TSPAN32: variants seen among roughly 807,000 people sequenced by gnomAD.
The protein encoded by TSPAN32 is tetraspanin-32.
Under a neutral mutation model 42.7 loss-of-function variants are expected in TSPAN32, and 47 were observed. The ratio of observed to expected loss-of-function variants is 1.10; its 90% CI spans 0.87 to 1.40. TSPAN32 has a LOEUF of 1.40. Ranked by LOEUF, TSPAN32 falls within the 40% of genes most tolerant of loss-of-function variation. TSPAN32 has a pLI of 0.00. For missense variants in TSPAN32, 469 were observed against 424.1 expected, an observed-to-expected ratio of 1.11 and a Z score of -0.93; for synonymous variants, 175 against 175.9, an observed-to-expected ratio of 0.99 and a Z score of 0.04.
intron 3 of TSPAN32, among the ~76,000 whole-genome samples, chr11:2,306,149 T>C (rs1190651981): frequency 2.0e-5 from 3 of 152,016 alleles, no homozygotes; most frequent in Admixed American, 6.5e-5. Flanking sequence ...GGCACATCTG[T>C]ATGTGTGTCT....
At chr11:2,314,433 C>A in intron 5 of TSPAN32, 52 bp from the exon 6 acceptor site, 3 of 1,464,622 alleles carry the variant, frequency 2.0e-6, no homozygotes, top group South Asian at 1.2e-5. Flanking sequence ...GTGCTGCCCG[C>A]CTCCTGGGGT....
intron 6 of TSPAN32, chr11:2,315,160 T>TACCCC: frequency 3.1e-6 from 2 of 646,458 alleles, no homozygotes; most frequent in African/African-American, 2.0e-5. Flanking sequence ...CCGGCAGCCC[T>TACCCC]CCCCCAGCCC....
chr11:2,314,517 C>T lies in TSPAN32; in HGVS notation c.489C>T (p.Ser163=). ...GCTGTGGGAAGAAGTCTCCTTTCAGCCGTCTGGGGAGCACAGAGGCTGACC... is the reference window on the plus strand; with the variant it reads ...GCTGTGGGAAGAAGTCTCCTTTCAGTCGTCTGGGGAGCACAGAGGCTGACC... ...FLCCGKKSPF[S]RLGSTEADLC... is the part of the protein sequence containing the mutation. Residue 163 remains serine (S), a synonymous_variant, in exon 6 of 10, where the codon AGC becomes AGT. Coordinates refer to ENST00000182290, the MANE Select transcript of TSPAN32 (RefSeq NM_139022.3). 6.2e-7 allele frequency: 1 copy of T among 1,612,528 alleles called. No homozygotes were observed.
In TSPAN32 at chr11:2,304,286, C is replaced by A. The variant is rs1847940054; in HGVS notation, c.279+82C>A. On this transcript the variant is annotated intron_variant, in intron 3 of 9. Transcript: ENST00000182290. This position sits in a 1 kb window ranked among gnomAD's most constrained non-coding sequence, Gnocchi z 4.8. ...GAAGAGCTGGCAGGGCTGTGTGCCACCCCCACACCTGAGTGACCAGGCAGA... is the reference window on the plus strand; with the variant it reads ...GAAGAGCTGGCAGGGCTGTGTGCCAACCCCACACCTGAGTGACCAGGCAGA... 9.8e-7 allele frequency: 1 copy of A among 1,025,590 alleles called. No individual in the cohort carries two copies. The highest frequency in any genetic ancestry group is 2.8e-5 in the Admixed American group (1 of 35,710). The allele number at this position is 1,025,590 out of a possible 1,614,324, so 63.5% of individuals were successfully genotyped here.
chr11:2,302,252 G>A, intron 1 of TSPAN32, 37 bp downstream of exon 1: 1 of 1,371,258 alleles, frequency 7.3e-7, no homozygotes, highest in African/African-American at 1.5e-5. Flanking sequence ...GTGGTGGGTG[G>A]GGGTGAGCAG....
intron 3 of TSPAN32, among the ~76,000 whole-genome samples, chr11:2,306,081 TCACCG>T (rs1848070132): frequency 6.6e-6 from 1 of 150,840 alleles, no homozygotes. Context: ...TAAGTATCTG[TCACCG>T]GTCTTCACCT....
Position 2,315,449 on chromosome 11 carries a change from C to T in TSPAN32, c.544-780C>T, listed in dbSNP as rs373534680. On this transcript the variant is annotated intron_variant, in intron 6 of 9. Transcript: ENST00000182290. ...CCCAAGGAGAGACTGAAAAGGCCCC[C>T]GACTGAAAAGCAGGAGCGAGGGCCT... 29 of 1,131,738 alleles carry T rather than the reference C, an allele frequency of 2.6e-5. 1 individual carries two copies. In the East Asian group the frequency reaches 4.2e-4, roughly 16 times the overall value. 70.1% of individuals were successfully genotyped at this position (1,131,738 alleles called of 1,614,324 possible).
At chr11:2,309,519 C>T (rs1156675249) in intron 4 of TSPAN32, 2 of 371,044 alleles carry the variant, frequency 5.4e-6, no homozygotes, top group South Asian at 1.9e-5. Context: ...TGGTGAGAGC[C>T]CCCAGGGCAG....
chr11:2,308,933 G>T (rs1480342255), intron 4 of TSPAN32, 123 bp downstream of exon 4: 1 of 693,658 alleles, frequency 1.4e-6, no homozygotes, highest in Non-Finnish European at 2.4e-6. Flanking sequence ...TGACCGGGTG[G>T]GGTGGGGGAG....
At chr11:2,315,525 C>T (rs1848734278) in intron 6 of TSPAN32, 10 of 1,163,968 alleles carry the variant, frequency 8.6e-6, no homozygotes, top group Non-Finnish European at 1.1e-5. Flanking sequence ...TGCAAAGCCT[C>T]CTGGGGAGCC....
In TSPAN32 at chr11:2,310,599, G is replaced by A. The variant is rs572057799; in HGVS notation, c.354+1789G>A. ...TGGTGGCCATGGAGGTGGCCTGGGT[G>A]AAGGAGCTCTGAATATGAAGTCAGT... On this transcript the variant is annotated intron_variant, in intron 4 of 9. Transcript: ENST00000182290. 2.6e-5 allele frequency among the ~76,000 whole-genome samples: 4 copies of A among 152,370 alleles called. No individual in the cohort carries two copies. The South Asian group carries it at 6.2e-4, about 24-fold the overall frequency.
At chr11:2,315,406 G>A (rs1037619617) in intron 6 of TSPAN32, 1 of 1,141,590 alleles carries the variant, frequency 8.8e-7, no homozygotes, top group Admixed American at 4.6e-5. Flanking sequence ...AGGGCTAACA[G>A]TCAGGACCCC....
intron 3 of TSPAN32, among the ~76,000 whole-genome samples, chr11:2,305,056 G>A (rs1157835714): frequency 6.6e-6 from 1 of 152,224 alleles, no homozygotes; most frequent in Admixed American, 6.5e-5. Flanking sequence ...GGGTCCCTGA[G>A]GGCAGAGCCT....
intron 3 of TSPAN32, among the ~76,000 whole-genome samples, chr11:2,307,627 C>A (rs1050833432): frequency 1.3e-5 from 2 of 152,162 alleles, no homozygotes; most frequent in East Asian, 3.9e-4. Context: ...TCTGTATGCT[C>A]TCAGAGGAGG....
chr11:2,311,979 C>A (rs1004254931), intron 4 of TSPAN32, among the ~76,000 whole-genome samples: 2 of 151,340 alleles, frequency 1.3e-5, no homozygotes, highest in African/African-American at 4.9e-5. Flanking sequence ...AGCTCTGCTT[C>A]CCCAGTCGTG....
In TSPAN32 at chr11:2,317,341, C is replaced by T; in HGVS notation, c.720-3C>T. 1 of 1,584,626 alleles carries T rather than the reference C, an allele frequency of 6.3e-7. No homozygotes were observed. The highest frequency in any genetic ancestry group is 8.6e-7 in the Non-Finnish European group (1 of 1,165,392). ...ACAGCCCCATGATCCCCTTGCTCCT[C>T]AGAGCATGTGGCCGCCAGCCCCAGG... is the stretch of plus-strand genomic sequence containing the variant. On this transcript the variant is annotated splice_polypyrimidine_tract_variant and splice_region_variant and intron_variant, in intron 8 of 9. Coordinates refer to ENST00000182290, the MANE Select transcript of TSPAN32 (RefSeq NM_139022.3). The surrounding 1 kb of genome is among the most constrained non-coding windows in gnomAD (Gnocchi z 6.2).
In TSPAN32 at chr11:2,317,496, C is replaced by T. The variant is rs151256721; in HGVS notation, c.872C>T (p.Pro291Leu). The T allele has an allele frequency of 3.1e-6, 5 of 1,590,040 alleles. No homozygotes were observed. In the Admixed American group the frequency reaches 8.8e-5, roughly 28 times the overall value. ...WLQESDAAPL[P>L]LSCHLAAHRA... ...CAGGAGAGCGATGCTGCGCCTCTGC[C>T]CCTCTCCTGCCACCTGGCTGCCCAC... The change falls in exon 9 of 10, where the codon CCC becomes CTC. Residue 291 changes from proline (P) to leucine (L), a missense_variant. Coordinates refer to ENST00000182290, the MANE Select transcript of TSPAN32 (RefSeq NM_139022.3). This position sits in a 1 kb window ranked among gnomAD's most constrained non-coding sequence, Gnocchi z 6.2.
chr11:2,316,823 G>C (rs1232360488), intron 8 of TSPAN32, among the ~76,000 whole-genome samples, 156 bp downstream of exon 8: 1 of 152,078 alleles, frequency 6.6e-6, no homozygotes, highest in Non-Finnish European at 1.5e-5. Flanking sequence ...GCACCAGGGT[G>C]GGGTGGGAGA....
chr11:2,314,674 G>A (rs1848673605), intron 6 of TSPAN32, 103 bp downstream of exon 6: 2 of 915,050 alleles, frequency 2.2e-6, no homozygotes, highest in South Asian at 1.5e-5. Flanking sequence ...CCACCCCTTG[G>A]CCTCCCCAGA....
Sources: gnomAD v4.1 joint callset for allele counts (sites outside exome capture counted in the v4.1 genomes callset) on GRCh38, gnomAD v4.1.1 for gene constraint, Gnocchi (gnomAD v3.1) non-coding constraint, MANE v1.5 for transcripts, NCBI Gene and HGNC (gene_info 2026-07-23, HGNC 2026-07-21) for gene names.